Variants in ADAM7 observed in about 807,000 individuals in gnomAD.
ADAM7 encodes ADAM metallopeptidase domain 7.
Under a neutral mutation model 102.9 loss-of-function variants are expected in ADAM7, and 97 were observed. The ratio of observed to expected loss-of-function variants is 0.94; its 90% CI spans 0.80 to 1.12. ADAM7 has a LOEUF of 1.12. Among genes scored for constraint, ADAM7 ranks in the 50% most tolerant of loss-of-function variants. The probability of loss-of-function intolerance (pLI) is 0.00; values close to 1 mark genes in which losing one functional copy is unlikely to be tolerated. For missense variants in ADAM7, 991 were observed against 908.7 expected, an observed-to-expected ratio of 1.09 and a Z score of -1.16; for synonymous variants, 334 against 304.4, an observed-to-expected ratio of 1.10 and a Z score of -1.01.
chr8:24,493,805 T>C (rs1476096614), intron 16 of ADAM7, among the ~76,000 whole-genome samples: 9 of 152,106 alleles, frequency 5.9e-5, no homozygotes. Context: ...ACACAGGAAA[T>C]GGGAGAAGAC....
At chr8:24,463,994 A>G (rs748394619) in intron 4 of ADAM7, 34 bp downstream of exon 4, 6 of 1,567,800 alleles carry the variant, frequency 3.8e-6, no homozygotes, top group Non-Finnish European at 5.3e-6. Context: ...TCTCTTCTCT[A>G]AAAGCAGTAT....
chr8:24,469,254 T>C (rs1007346015), intron 7 of ADAM7, among the ~76,000 whole-genome samples: 1 of 151,976 alleles, frequency 6.6e-6, no homozygotes, highest in Non-Finnish European at 1.5e-5. Flanking sequence ...AGAAGCACAA[T>C]ACTGAAATTT....
chr8:24,487,659 A>G (rs1820190354), intron 11 of ADAM7, among the ~76,000 whole-genome samples: 1 of 152,050 alleles, frequency 6.6e-6, no homozygotes, highest in Admixed American at 6.6e-5. Context: ...AAAAAAAAGA[A>G]AAGAAAAAAA....
intron 7 of ADAM7, among the ~76,000 whole-genome samples, chr8:24,474,215 A>G (rs567987563): frequency 1.3e-5 from 2 of 152,170 alleles, no homozygotes; most frequent in Admixed American, 6.5e-5. Flanking sequence ...CTATGAACAA[A>G]ATTTTAAATC....
In ADAM7 at chr8:24,447,243, CT is replaced by C; in HGVS notation, c.216del (p.His73IlefsTer3). ...EIKLNRKTLV[L>X]HLLRSREFLG... ...AAAACTAAATAGAAAAACCTTAGTC[CT>C]TCATCTTCTAAGATCCAGGTAAGTT... On this transcript the variant is annotated frameshift_variant, in exon 3 of 22. Coordinates refer to ENST00000175238, the MANE Select transcript of ADAM7 (RefSeq NM_003817.4). LOFTEE classifies it high-confidence loss of function. The C allele has an allele frequency of 6.6e-7, 1 of 1,519,340 alleles. No individual in the cohort carries two copies. Among genetic ancestry groups the C allele is most frequent in the Non-Finnish European group, 9.0e-7 (1 of 1,112,304 alleles). The allele number at this position is 1,519,340 out of a possible 1,614,324, so 94.1% of individuals were successfully genotyped here.
chr8:24,505,292 T>C (rs1016239603), intron 20 of ADAM7, among the ~76,000 whole-genome samples: 4 of 152,118 alleles, frequency 2.6e-5, no homozygotes, highest in Non-Finnish European at 5.9e-5. Flanking sequence ...GTTATGATTA[T>C]AGATCCTAAG....
At position 24,487,327 on chromosome 8, in the gene ADAM7, G is replaced by A. The variant is rs1470120887; in HGVS notation, c.1091+10G>A. On this transcript the variant is annotated intron_variant, in intron 11 of 21. Coordinates refer to ENST00000175238, the MANE Select transcript of ADAM7 (RefSeq NM_003817.4). ...TGGACAGTGATGGAAGGTGAGATTC[G>A]AACAATGTACAGAATACACTTACAT... 5.6e-6 allele frequency: 9 copies of A among 1,612,556 alleles called. No individual in the cohort carries two copies. The highest frequency in any genetic ancestry group is 4.5e-5 in the East Asian group (2 of 44,734).
At chr8:24,481,761 G>C (rs1819959286) in intron 8 of ADAM7, among the ~76,000 whole-genome samples, 1 of 152,160 alleles carries the variant, frequency 6.6e-6, no homozygotes, top group South Asian at 2.1e-4. Flanking sequence ...CACTTGGCCT[G>C]AAGTATGAAG....
chr8:24,500,758 C>A (rs1487881264), intron 18 of ADAM7, 32 bp from the exon 19 acceptor site: 3 of 1,561,816 alleles, frequency 1.9e-6, no homozygotes, highest in Admixed American at 3.4e-5. Flanking sequence ...AACTGATACC[C>A]TCGATGAAGC....
At chr8:24,472,019 G>C (rs77993849) in intron 7 of ADAM7, among the ~76,000 whole-genome samples, 18,172 of 149,462 alleles carry the variant, frequency 0.12, 1,510 homozygotes, top group African/African-American at 0.24. Flanking sequence ...GAGAATTTAT[G>C]ATTTAAAAAG....
chr8:24,482,191 G>A lies in ADAM7; in HGVS notation c.755G>A (p.Trp252Ter). ...IHVTLVGIEI[W>*]THEDKIELYS... ...GTGACGTTGGTTGGCATTGAAATAT[G>A]GACACATGAAGATAAAATAGAACTA... The change falls in exon 9 of 22, where the codon TGG becomes TAG. Residue 252 changes from tryptophan to a stop codon, truncating the protein, a stop_gained. Coordinates refer to ENST00000175238, the MANE Select transcript of ADAM7 (RefSeq NM_003817.4). LOFTEE classifies it high-confidence loss of function. 2 of 1,603,242 alleles carry A rather than the reference G, an allele frequency of 1.2e-6. No individual in the cohort carries two copies. Among genetic ancestry groups the A allele is most frequent in the African/African-American group, 1.3e-5 (1 of 74,334 alleles).
intron 3 of ADAM7, among the ~76,000 whole-genome samples, chr8:24,459,138 G>T (rs1258716782): frequency 6.6e-6 from 1 of 151,794 alleles, no homozygotes; most frequent in Non-Finnish European, 1.5e-5. Flanking sequence ...TGTGCCTTGA[G>T]CATATTTGTG....
chr8:24,505,672 T>C (rs1820927724), intron 20 of ADAM7, among the ~76,000 whole-genome samples: 1 of 152,114 alleles, frequency 6.6e-6, no homozygotes, highest in Non-Finnish European at 1.5e-5. Flanking sequence ...ATCCAGGTCC[T>C]CTCACAGATC....
In ADAM7 at chr8:24,508,774, T is replaced by C. The variant is rs536735069; in HGVS notation, c.*228T>C. The C allele has an allele frequency of 1.1e-5, 15 of 1,353,926 alleles. No individual in the cohort carries two copies. The highest frequency in any genetic ancestry group is 2.1e-5 in the South Asian group (1 of 48,696). The allele number at this position is 1,353,926 out of a possible 1,614,324, so 83.9% of individuals were successfully genotyped here. ...CATATGCTGCAGAAAAAAAATGTCT[T>C]GTGGTCTTTCAAATGCTCTTTAGCA... On this transcript the variant is annotated 3_prime_UTR_variant, in exon 22 of 22. Coordinates refer to ENST00000175238, the MANE Select transcript of ADAM7 (RefSeq NM_003817.4).
chr8:24,450,126 G>A (rs1362886581), intron 3 of ADAM7, among the ~76,000 whole-genome samples: 5 of 151,900 alleles, frequency 3.3e-5, no homozygotes, highest in Admixed American at 6.6e-5. Flanking sequence ...TTGACTTGGC[G>A]ATGCGGGCTC....
chr8:24,449,338 T>C (rs1341034542), intron 3 of ADAM7, among the ~76,000 whole-genome samples: 3 of 152,200 alleles, frequency 2.0e-5, no homozygotes, highest in East Asian at 1.9e-4. Context: ...TTTTAATGAT[T>C]GCCATTCTAA....
At chr8:24,504,854 A>G (rs1820897289) in intron 20 of ADAM7, among the ~76,000 whole-genome samples, 1 of 152,128 alleles carries the variant, frequency 6.6e-6, no homozygotes, top group South Asian at 2.1e-4. Flanking sequence ...TTCTCTGGTT[A>G]TATATGTTAG....
In ADAM7 at chr8:24,500,311, A is replaced by G. The variant is rs116448608; in HGVS notation, c.2002+55A>G. On this transcript the variant is annotated intron_variant, in intron 18 of 21. Transcript: ENST00000175238. The stretch of plus-strand genomic sequence containing the variant: ...TATCAAAAGCCTACCCAGCGAAAAA[A>G]GTTTTTCTTATTTTTCAAGTCTGCT... The G allele has an allele frequency of 4.7e-4, 713 of 1,524,766 alleles. 2 individuals are homozygous for G. The African/African-American group carries it at 9.0e-3, about 19-fold the overall frequency. 94.5% of individuals were successfully genotyped at this position (1,524,766 alleles called of 1,614,324 possible). A position where few individuals can be genotyped will look rare whatever the true frequency, so the allele number is the denominator to read the frequency against.
intron 3 of ADAM7, 76 bp from the exon 4 acceptor site, chr8:24,463,806 T>C: frequency 8.0e-7 from 1 of 1,247,736 alleles, no homozygotes; most frequent in South Asian, 1.3e-5. Context: ...TGGACACTTC[T>C]CCATCACATT....
Sources: allele counts gnomAD v4.1 joint callset (sites outside exome capture counted in the v4.1 genomes callset), GRCh38; gene constraint gnomAD v4.1.1; transcripts MANE v1.5; gene names NCBI Gene and HGNC (gene_info 2026-07-23, HGNC 2026-07-21).